Variants in SELP observed in about 807,000 individuals in gnomAD.
SELP encodes the protein selectin P.
A neutral mutation model predicts 104.1 loss-of-function variants in SELP; 92 were observed. That is an observed-to-expected ratio of 0.88 (90% CI 0.75 to 1.05). SELP has a LOEUF of 1.05. SELP is among the 50% of genes least tolerant of loss of function. The probability of loss-of-function intolerance (pLI) is 0.00; values close to 1 mark genes in which losing one functional copy is unlikely to be tolerated. For missense variants in SELP, 1,022 were observed against 1,017.3 expected, an observed-to-expected ratio of 1.00 and a Z score of -0.06; for synonymous variants, 397 against 364.5, an observed-to-expected ratio of 1.09 and a Z score of -1.01.
intron 15 of SELP, 26 bp downstream of exon 15, chr1:169,591,400 T>G (rs748561834): frequency 1.3e-6 from 2 of 1,534,076 alleles, no homozygotes; most frequent in Non-Finnish European, 1.8e-6. Flanking sequence ...CAAAATTTAC[T>G]CAATCATAAA....
chr1:169,619,135 T>C lies in SELP; in HGVS notation c.88A>G (p.Ile30Val). The C allele has an allele frequency of 6.2e-7, 1 of 1,612,602 alleles. No homozygotes were observed. The highest frequency in any genetic ancestry group is 2.2e-5 in the East Asian group (1 of 44,854). ...ISQLLCFSAL[I>V]SELTNQKEVA... ...AAGTTAGCATAAAGTTTACCAGAGA[T>C]CAGGGCACTGAAGCAAAGGAGTTGG... Residue 30 changes from isoleucine (I) to valine (V), a missense_variant, in exon 2 of 17, where the codon ATC becomes GTC. Physicochemically the swap from Ile to Val is conservative, Grantham distance 29. Coordinates refer to ENST00000263686, the MANE Select transcript of SELP (RefSeq NM_003005.4).
chr1:169,608,640 T>G (rs111621124), intron 8 of SELP, among the ~76,000 whole-genome samples: 79 of 152,302 alleles, frequency 5.2e-4, no homozygotes, highest in Middle Eastern at 6.8e-3. Flanking sequence ...TGCTTCCACA[T>G]TTTAACTGTT....
intron 1 of SELP, among the ~76,000 whole-genome samples, chr1:169,627,364 T>A (rs893393183): frequency 6.6e-6 from 1 of 152,182 alleles, no homozygotes; most frequent in Non-Finnish European, 1.5e-5. Flanking sequence ...ACATCAACAC[T>A]TAGAATCCAA....
At position 169,597,113 on chromosome 1, in the gene SELP, C is replaced by G; in HGVS notation, c.1769G>C (p.Gly590Ala). 6 of 1,613,062 alleles carry G rather than the reference C, an allele frequency of 3.7e-6. No homozygotes were observed. Among genetic ancestry groups the G allele is most frequent in the Non-Finnish European group, 5.1e-6 (6 of 1,179,460 alleles). The change falls in exon 11 of 17, where the codon GGA becomes GCA. Residue 590 changes from glycine to alanine, a missense_variant. Transcript: ENST00000263686. ...QGSLDCSDTR[G>A]EFNVGSTCHF... ...GCAGGTGGAGCCAACATTGAATTCT[C>G]CACGAGTGTCAGAACAATCCAGGCT...
chr1:169,596,686 C>A (rs1661631695), intron 11 of SELP, among the ~76,000 whole-genome samples: 1 of 152,202 alleles, frequency 6.6e-6, no homozygotes, highest in Non-Finnish European at 1.5e-5. Flanking sequence ...GTGACTCTAC[C>A]CCAGTATTGT....
chr1:169,603,072 A>G lies in SELP; in HGVS notation c.1659T>C (p.Asp553=), dbSNP rs752361228. 1.2e-6 allele frequency: 2 copies of G among 1,614,044 alleles called. No individual in the cohort carries two copies. The highest frequency in any genetic ancestry group is 1.1e-5 in the South Asian group (1 of 91,080). Residue 553 remains aspartate (D), a synonymous_variant, in exon 10 of 17, where the codon GAT becomes GAC. Transcript: ENST00000263686. ...CTGTCCAGCGTCCCGATCGAGTACAATCCAATCTTTCTGGTCCAGACAAAG... is the reference window on the plus strand; with the variant it reads ...CTGTCCAGCGTCCCGATCGAGTACAGTCCAATCTTTCTGGTCCAGACAAAG... ...GYSLSGPERL[D]CTRSGRWTDS...
Position 169,613,118 on chromosome 1 carries a change from C to A in SELP, c.590-4G>T, listed in dbSNP as rs772279201. On this transcript the variant is annotated splice_region_variant and splice_polypyrimidine_tract_variant and intron_variant, in intron 4 of 16. Transcript: ENST00000263686. ...TCAAGTTCTCCACACTCTCTCACTGCAGGAGACAAAATAGTGATTTTTATT... is the reference window on the plus strand; with the variant it reads ...TCAAGTTCTCCACACTCTCTCACTGAAGGAGACAAAATAGTGATTTTTATT... 5.1e-6 allele frequency: 8 copies of A among 1,579,186 alleles called. No individual in the cohort carries two copies. The Admixed American group carries it at 5.6e-5, about 11-fold the overall frequency.
intron 1 of SELP, among the ~76,000 whole-genome samples, chr1:169,620,885 G>A (rs1231752425): frequency 1.4e-5 from 2 of 147,852 alleles, no homozygotes; most frequent in African/African-American, 2.5e-5. Context: ...GTGGAGTTGT[G>A]TATGTATGCG....
At chr1:169,622,736 A>G (rs1232578914) in intron 1 of SELP, among the ~76,000 whole-genome samples, 1 of 152,216 alleles carries the variant, frequency 6.6e-6, no homozygotes, top group Non-Finnish European at 1.5e-5. Flanking sequence ...TTATATTTTT[A>G]TTTTGCAAAG....
At chr1:169,622,840 G>A (rs545033183) in intron 1 of SELP, among the ~76,000 whole-genome samples, 1 of 152,284 alleles carries the variant, frequency 6.6e-6, no homozygotes, top group South Asian at 2.1e-4. Context: ...TTCAAGGAGA[G>A]AAAAATGAAT....
Position 169,598,315 on chromosome 1 carries a change from C to T in SELP, c.1706-1139G>A, listed in dbSNP as rs565020722. ...ATCTAAGGCTATTCTGACAACAATA[C>T]CTTGGTCAGATAAGTCTCATTTACT... On this transcript the variant is annotated intron_variant, in intron 10 of 16. Transcript: ENST00000263686. 1.5e-4 allele frequency among the ~76,000 whole-genome samples: 23 copies of T among 152,244 alleles called. No homozygotes were observed. The East Asian group carries it at 3.9e-3, about 26-fold the overall frequency.
intron 1 of SELP, among the ~76,000 whole-genome samples, chr1:169,621,562 G>A (rs964518950): frequency 6.6e-6 from 1 of 152,020 alleles, no homozygotes; most frequent in East Asian, 1.9e-4. Flanking sequence ...GGTCATGTGT[G>A]TGCATGTGTT....
chr1:169,591,346 G>A (rs1424481985), intron 15 of SELP, 80 bp downstream of exon 15: 4 of 916,138 alleles, frequency 4.4e-6, no homozygotes, highest in Admixed American at 2.5e-5. Context: ...GGCATTGCAT[G>A]TAATCATTCT....
At chr1:169,619,747 T>C (rs899154523) in intron 1 of SELP, among the ~76,000 whole-genome samples, 6 of 152,202 alleles carry the variant, frequency 3.9e-5, no homozygotes, top group Non-Finnish European at 8.8e-5. Flanking sequence ...TTCATTTCTG[T>C]ACACATCTAC....
At chr1:169,603,321 G>A in intron 9 of SELP, 110 bp from the exon 10 acceptor site, 1 of 562,066 alleles carries the variant, frequency 1.8e-6, no homozygotes, top group Non-Finnish European at 2.9e-6. Flanking sequence ...GTGTGTGTGT[G>A]TGTGTGTGTG....
chr1:169,617,232 C>A lies in SELP; in HGVS notation c.277G>T (p.Gly93Trp), dbSNP rs748541170. ...CATGTCTTATTGTTCTTTCGGATCC[C>A]AATCCAGTAGTAGGAGCTGTAGTAG... ...LPYYSSYYWIGIRKNNKTWTW... is the reference protein window; with the variant it reads ...LPYYSSYYWIWIRKNNKTWTW... Residue 93 changes from glycine (G) to tryptophan (W), a missense_variant, in exon 3 of 17, where the codon GGG becomes TGG. Coordinates refer to ENST00000263686, the MANE Select transcript of SELP (RefSeq NM_003005.4). The A allele has an allele frequency of 6.2e-7, 1 of 1,614,092 alleles. No homozygotes were observed. The highest frequency in any genetic ancestry group is 8.5e-7 in the Non-Finnish European group (1 of 1,180,002).
chr1:169,609,677 T>C lies in SELP; in HGVS notation c.1160A>G (p.Glu387Gly). The C allele has an allele frequency of 6.2e-7, 1 of 1,611,086 alleles. No homozygotes were observed. The highest frequency in any genetic ancestry group is 1.1e-5 in the South Asian group (1 of 90,762). The change falls in exon 8 of 17, where the codon GAG (glutamate) becomes GGG (glycine). Residue 387 changes from glutamate (E) to glycine (G), a missense_variant. Glu to Gly is a moderately conservative substitution (Grantham distance 98, BLOSUM62 -2). Transcript: ENST00000263686. Reference sequence around the variant, plus strand: ...TCCGTGGACAGGACTCTCCAGCGGCTCACACGAAATAGCTAAGTGGAAAAG... The same window carrying C: ...TCCGTGGACAGGACTCTCCAGCGGCCCACACGAAATAGCTAAGTGGAAAAG... Reference protein sequence around the residue: ...PLPTCEAISCEPLESPVHGSM... With the variant: ...PLPTCEAISCGPLESPVHGSM...
intron 9 of SELP, among the ~76,000 whole-genome samples, chr1:169,605,486 T>G (rs2205893): frequency 0.76 from 111,887 of 147,886 alleles, 43,045 homozygotes; most frequent in East Asian, 0.97. Flanking sequence ...GGTGTGTGTG[T>G]GGGGGGTGTG....
intron 1 of SELP, among the ~76,000 whole-genome samples, chr1:169,626,486 C>T (rs1192651962): frequency 6.6e-6 from 1 of 152,188 alleles, no homozygotes; most frequent in Non-Finnish European, 1.5e-5. Context: ...AAGGCTGAGA[C>T]AGGAGAATCG....
Sources: allele counts gnomAD v4.1 joint callset (sites outside exome capture counted in the v4.1 genomes callset), GRCh38; gene constraint gnomAD v4.1.1; transcripts MANE v1.5; gene names NCBI Gene and HGNC (gene_info 2026-07-23, HGNC 2026-07-21).